The following SLC8A1 variants were observed in gnomAD, a reference collection of about 807,000 sequenced individuals.
SLC8A1 encodes the protein solute carrier family 8 member A1.
SLC8A1 carries 18 observed loss-of-function variants against 68.3 expected under a neutral mutation model. The observed-to-expected ratio is 0.26, with a 90% CI of 0.18 to 0.39. The LOEUF (loss-of-function observed/expected upper bound fraction) is 0.39. SLC8A1 is among the 10% of genes least tolerant of loss of function. The pLI, the probability that SLC8A1 is intolerant of heterozygous loss-of-function variation, is 1.00. For missense variants in SLC8A1, 985 were observed against 1,156.7 expected, an observed-to-expected ratio of 0.85 and a Z score of 2.15; for synonymous variants, 475 against 415.5, an observed-to-expected ratio of 1.14 and a Z score of -1.74.
At chr2:40,199,440 T>C (rs1181515881) in intron 2 of SLC8A1, among the ~76,000 whole-genome samples, 1 of 151,598 alleles carries the variant, frequency 6.6e-6, no homozygotes, top group African/African-American at 2.4e-5. Context: ...ACCATAAATA[T>C]TGTTTGTCTG....
chr2:40,452,267 G>C (rs913732729), upstream of SLC8A1, among the ~76,000 whole-genome samples: 11 of 151,172 alleles, frequency 7.3e-5, no homozygotes, highest in Non-Finnish European at 1.0e-4. Context: ...GGCGCCCCGG[G>C]GCCCCCTGCG....
chr2:40,339,108 T>C (rs574827790), intron 2 of SLC8A1, among the ~76,000 whole-genome samples: 1 of 152,148 alleles, frequency 6.6e-6, no homozygotes, highest in Non-Finnish European at 1.5e-5. Flanking sequence ...AGATGATTGA[T>C]ATTACTAAAC....
chr2:40,491,573 G>A (rs1277421810), intron 1 of SLC8A1, among the ~76,000 whole-genome samples: 1 of 152,098 alleles, frequency 6.6e-6, no homozygotes, highest in African/African-American at 2.4e-5. Context: ...AGTTTTCAAA[G>A]GGAATGCTTC....
intron 2 of SLC8A1, among the ~76,000 whole-genome samples, chr2:40,341,533 C>A (rs541367543): frequency 2.0e-5 from 3 of 152,168 alleles, no homozygotes; most frequent in South Asian, 4.1e-4. Context: ...CTTTCCTTGG[C>A]CTATCTTCTA....
intron 2 of SLC8A1, among the ~76,000 whole-genome samples, chr2:40,204,039 C>T (rs570676803): frequency 6.6e-6 from 1 of 152,058 alleles, no homozygotes; most frequent in Admixed American, 6.6e-5. Context: ...AACAATTTTA[C>T]AAACCACATT....
At chr2:40,329,728 G>A (rs1418240126) in intron 2 of SLC8A1, among the ~76,000 whole-genome samples, 2 of 152,152 alleles carry the variant, frequency 1.3e-5, no homozygotes, top group Non-Finnish European at 2.9e-5. Flanking sequence ...CCAGGCCCTT[G>A]CTTAGGTTTA....
At chr2:40,131,585 C>T (rs2039341634) in intron 7 of SLC8A1, among the ~76,000 whole-genome samples, 1 of 152,156 alleles carries the variant, frequency 6.6e-6, no homozygotes, top group South Asian at 2.1e-4. Flanking sequence ...TTGGTGAGAC[C>T]TTGGAATATT....
intron 2 of SLC8A1, among the ~76,000 whole-genome samples, chr2:40,180,736 A>G (rs576164943): frequency 1.3e-5 from 2 of 152,162 alleles, no homozygotes; most frequent in East Asian, 1.9e-4. Flanking sequence ...TGTATTTGCA[A>G]CCCACCCTGC....
In SLC8A1 at chr2:40,398,574, G is replaced by A. The variant is rs188632475; in HGVS notation, c.1808+29899C>T. ...CACAATTTTCAAATAAATTTCCTAC[G>A]TACATATTTTATTTTTATAAAAATG... On this transcript the variant is annotated intron_variant, in intron 2 of 7. Coordinates refer to ENST00000406785, the Ensembl canonical transcript of SLC8A1. Among the ~76,000 whole-genome samples, 32 of 151,856 alleles carry A rather than the reference G, an allele frequency of 2.1e-4. No homozygotes were observed. In the East Asian group the frequency reaches 2.9e-3, roughly 14 times the overall value.
rs146329233 is a variant in SLC8A1 at position 40,216,404 on chromosome 2, T to C, written c.1809-38549A>G. On this transcript the variant is annotated intron_variant, in intron 2 of 7. Coordinates refer to ENST00000406785, the Ensembl canonical transcript of SLC8A1. ...CACATTTTCTTTATCTAGTCTATCATTGATGGGCATTTGTATTGGCTCCAT... is the reference window on the plus strand; with the variant it reads ...CACATTTTCTTTATCTAGTCTATCACTGATGGGCATTTGTATTGGCTCCAT... 7.8e-3 allele frequency among the ~76,000 whole-genome samples: 1,190 copies of C among 152,320 alleles called. 13 individuals are homozygous for C. Among genetic ancestry groups the C allele is most frequent in the African/African-American group, 0.027 (1,105 of 41,562 alleles).
chr2:40,337,360 G>T (rs13406526), intron 2 of SLC8A1: 1 of 331,896 alleles, frequency 3.0e-6, no homozygotes, highest in Non-Finnish European at 6.9e-6. Flanking sequence ...AGACAGCTCA[G>T]TCGTACAGAG....
intron 2 of SLC8A1, among the ~76,000 whole-genome samples, chr2:40,340,924 C>G (rs573999965): frequency 2.0e-4 from 31 of 152,308 alleles, no homozygotes; most frequent in Admixed American, 7.2e-4. Flanking sequence ...TTGATTCCTA[C>G]ACAAATATAC....
intron 2 of SLC8A1, among the ~76,000 whole-genome samples, chr2:40,335,685 A>G (rs1665736840): frequency 6.6e-6 from 1 of 152,286 alleles, no homozygotes; most frequent in Non-Finnish European, 1.5e-5. Context: ...CCAGTCTAGG[A>G]ACAGCCCTTT....
intron 2 of SLC8A1, among the ~76,000 whole-genome samples, chr2:40,214,221 A>G (rs547717761): frequency 6.6e-6 from 1 of 152,158 alleles, no homozygotes; most frequent in Non-Finnish European, 1.5e-5. Context: ...AAAAGGAATT[A>G]TAGCCTCTTC....
intron 2 of SLC8A1, among the ~76,000 whole-genome samples, chr2:40,205,593 T>G (rs555556396): frequency 1.3e-5 from 2 of 151,846 alleles, no homozygotes; most frequent in African/African-American, 2.4e-5. Context: ...AGGGAGCTAA[T>G]TGATGAGAAC....
chr2:40,185,301 C>T (rs1450879260), intron 2 of SLC8A1, among the ~76,000 whole-genome samples: 7 of 152,152 alleles, frequency 4.6e-5, no homozygotes, highest in Non-Finnish European at 7.3e-5. Context: ...GAATTTTCAT[C>T]GCAGCATTAT....
chr2:40,132,549 C>A (rs748428831), intron 7 of SLC8A1, among the ~76,000 whole-genome samples: 1 of 151,810 alleles, frequency 6.6e-6, no homozygotes, highest in Non-Finnish European at 1.5e-5. Context: ...CGACAGGACC[C>A]AGTAAATTGT....
chr2:40,451,737 T>TTACACA (rs1702536608), intron 1 of SLC8A1, among the ~76,000 whole-genome samples, 167 bp downstream of exon 1: 1 of 133,664 alleles, frequency 7.5e-6, no homozygotes, highest in African/African-American at 2.8e-5. Context: ...ACACACCACA[T>TTACACA]CACACACACA....
chr2:40,359,728 A>G (rs543707848), intron 2 of SLC8A1, among the ~76,000 whole-genome samples: 1 of 152,300 alleles, frequency 6.6e-6, no homozygotes, highest in South Asian at 2.1e-4. Flanking sequence ...ACAAAGATAC[A>G]GAGTATATGG....
Sources: allele counts gnomAD v4.1 joint callset (sites outside exome capture counted in the v4.1 genomes callset), GRCh38; gene constraint gnomAD v4.1.1; transcripts MANE v1.5; gene names NCBI Gene and HGNC (gene_info 2026-07-23, HGNC 2026-07-21).